GALNT13: variants seen among roughly 807,000 people sequenced by gnomAD.
The protein encoded by GALNT13 is polypeptide N-acetylgalactosaminyltransferase 13, also known as UDP-GalNAc:polypeptide N-acetylgalactosaminyltransferase 13.
In GALNT13, 28 loss-of-function variants were observed where a neutral mutation model predicts 64.2. The ratio of observed to expected loss-of-function variants is 0.44; its 90% CI spans 0.32 to 0.60. The LOEUF is 0.60. Among genes scored for constraint, GALNT13 ranks in the 20% least tolerant of loss-of-function variants. The pLI is 0.05. For missense variants in GALNT13, 577 were observed against 669.8 expected, an observed-to-expected ratio of 0.86 and a Z score of 1.53; for synonymous variants, 214 against 224.6, an observed-to-expected ratio of 0.95 and a Z score of 0.42.
intron 11 of GALNT13, among the ~76,000 whole-genome samples, chr2:154,417,474 A>G (rs1378908230): frequency 1.8e-5 from 2 of 113,338 alleles, no homozygotes; most frequent in Non-Finnish European, 3.9e-5. Flanking sequence ...CCCATTTGCC[A>G]TGACCTTGCC....
the GALNT13 span, among the ~76,000 whole-genome samples, chr2:153,196,975 T>G: frequency 3.9e-5 from 6 of 152,214 alleles, no homozygotes; most frequent in Non-Finnish European, 5.9e-5. Context: ...GGGACAATTC[T>G]CAGGCTTTCA....
At chr2:153,742,863 C>T in the GALNT13 span, among the ~76,000 whole-genome samples, 1 of 151,108 alleles carries the variant, frequency 6.6e-6, no homozygotes, top group Non-Finnish European at 1.5e-5. Flanking sequence ...CTGTTGTGAA[C>T]AGTGCTTTGA....
the GALNT13 span, among the ~76,000 whole-genome samples, chr2:153,166,626 TG>T: frequency 3.6e-5 from 3 of 84,310 alleles, no homozygotes; most frequent in Admixed American, 4.4e-4. Flanking sequence ...ACTGCATGTG[TG>T]TGTGTGTGTG....
At chr2:154,298,470 TTATA>T (rs1693074437) in intron 8 of GALNT13, among the ~76,000 whole-genome samples, 1 of 105,194 alleles carries the variant, frequency 9.5e-6, no homozygotes, top group Non-Finnish European at 2.0e-5. Flanking sequence ...CATATATAAA[TTATA>T]TATAAATTAT....
chr2:153,302,697 T>G, the GALNT13 span, among the ~76,000 whole-genome samples: 1 of 152,202 alleles, frequency 6.6e-6, no homozygotes, highest in Non-Finnish European at 1.5e-5. Flanking sequence ...GTCTTACAGT[T>G]AAGACTTTAA....
the GALNT13 span, among the ~76,000 whole-genome samples, chr2:153,730,044 C>G: frequency 6.6e-6 from 1 of 151,822 alleles, no homozygotes; most frequent in Admixed American, 6.6e-5. Flanking sequence ...AGTGCAACAC[C>G]TATCAAATTA....
At chr2:153,516,988 A>AT in the GALNT13 span, among the ~76,000 whole-genome samples, 4 of 151,452 alleles carry the variant, frequency 2.6e-5, no homozygotes, top group South Asian at 2.1e-4. Context: ...ATTAGTAACT[A>AT]TTTTTTCCTC....
At chr2:153,069,350 C>T in the GALNT13 span, among the ~76,000 whole-genome samples, 72 of 152,058 alleles carry the variant, frequency 4.7e-4, no homozygotes, top group African/African-American at 1.7e-3. Flanking sequence ...TTTGTAAGGT[C>T]CTCTCGCACG....
At chr2:153,448,577 C>T in the GALNT13 span, among the ~76,000 whole-genome samples, 1 of 152,136 alleles carries the variant, frequency 6.6e-6, no homozygotes, top group African/African-American at 2.4e-5. Context: ...GATTAAGAAA[C>T]ACATATTTCA....
At chr2:154,415,080 T>C (rs1208344076) in intron 11 of GALNT13, among the ~76,000 whole-genome samples, 1 of 151,458 alleles carries the variant, frequency 6.6e-6, no homozygotes, top group East Asian at 1.9e-4. Flanking sequence ...CAGGAAGATC[T>C]CTTGCACATA....
At chr2:153,583,063 CA>C in the GALNT13 span, among the ~76,000 whole-genome samples, 1 of 152,158 alleles carries the variant, frequency 6.6e-6, no homozygotes. Context: ...TAATTAATCA[CA>C]AACATTATAA....
chr2:154,171,396 A>C (rs1317313548), intron 4 of GALNT13, among the ~76,000 whole-genome samples: 1 of 152,100 alleles, frequency 6.6e-6, no homozygotes. Context: ...GCATGCTATA[A>C]ATTTGTGTGT....
the GALNT13 span, among the ~76,000 whole-genome samples, chr2:153,858,886 C>T: frequency 6.6e-6 from 1 of 152,034 alleles, no homozygotes; most frequent in African/African-American, 2.4e-5. Flanking sequence ...GTGCCTGCCA[C>T]CATGCCCAAC....
At chr2:153,873,023 C>G (rs1446919579) in intron 1 of GALNT13, among the ~76,000 whole-genome samples, 1 of 152,188 alleles carries the variant, frequency 6.6e-6, no homozygotes, top group African/African-American at 2.4e-5. Flanking sequence ...TTTTGTCTCT[C>G]CGTTTTGCAA....
chr2:153,268,515 T>C, the GALNT13 span, among the ~76,000 whole-genome samples: 1 of 152,178 alleles, frequency 6.6e-6, no homozygotes. Context: ...TCCAGGCACA[T>C]GATGCAAGCT....
At chr2:154,341,531 G>A (rs1005216609) in intron 9 of GALNT13, among the ~76,000 whole-genome samples, 1 of 152,058 alleles carries the variant, frequency 6.6e-6, no homozygotes, top group African/African-American at 2.4e-5. Context: ...ACATAGGTGG[G>A]ACTGTCATGC....
At chr2:154,116,176 A>G (rs1681544560) in intron 3 of GALNT13, among the ~76,000 whole-genome samples, 1 of 152,098 alleles carries the variant, frequency 6.6e-6, no homozygotes, top group African/African-American at 2.4e-5. Context: ...ACTACTAGGG[A>G]TGGGGAAGCT....
chr2:154,064,866 G>A (rs1213495951), intron 3 of GALNT13, among the ~76,000 whole-genome samples: 1 of 152,022 alleles, frequency 6.6e-6, no homozygotes, highest in Non-Finnish European at 1.5e-5. Flanking sequence ...GAGTAAAGGG[G>A]ACTTTGTTTT....
chr2:153,533,717 G>GTTTTTGTTTTTTTTTTTTT, the GALNT13 span, among the ~76,000 whole-genome samples: 1 of 24,068 alleles, frequency 4.2e-5, no homozygotes, highest in Non-Finnish European at 7.9e-5. Flanking sequence ...ATATCCTGAG[G>GTTTTTGTTTTTTTTTTTTT]TTTTTCTTTT....
Sources: allele counts gnomAD v4.1 joint callset (sites outside exome capture counted in the v4.1 genomes callset), GRCh38; gene constraint gnomAD v4.1.1; transcripts MANE v1.5; gene names NCBI Gene and HGNC (gene_info 2026-07-23, HGNC 2026-07-21).